The following CHIC1 variants were observed in gnomAD, a reference collection of about 807,000 sequenced individuals.
The protein encoded by CHIC1 is cysteine-rich hydrophobic domain-containing protein 1.
CHIC1 carries 7 observed loss-of-function variants against 18.5 expected under a neutral mutation model. The ratio of observed to expected loss-of-function variants is 0.38; its 90% CI spans 0.22 to 0.71. The LOEUF (loss-of-function observed/expected upper bound fraction) is 0.71. Among genes scored for constraint, CHIC1 ranks in the 30% least tolerant of loss-of-function variants. CHIC1 has a pLI of 0.49. For synonymous variants in CHIC1, 77 were observed against 73.5 expected (o/e 1.05, Z -0.25); for missense variants, 159 against 176.9 (o/e 0.90, Z 0.57).
intron 3 of CHIC1, among the ~76,000 whole-genome samples, chrX:73,632,342 T>A (rs1374089030): frequency 8.9e-6 from 1 of 112,237 alleles, no homozygotes; most frequent in East Asian, 2.8e-4. Flanking sequence ...TTCTTCACTT[T>A]CAGCCTAGTG....
intron 2 of CHIC1, among the ~76,000 whole-genome samples, chrX:73,580,938 AGAT>A (rs1288779305): frequency 9.0e-6 from 1 of 111,462 alleles, no homozygotes; most frequent in African/African-American, 3.2e-5. Context: ...GCAAACAAAA[AGAT>A]GACCTTTTAT....
intron 2 of CHIC1, among the ~76,000 whole-genome samples, 154 bp from the exon 3 acceptor site, chrX:73,584,263 C>T (rs2057541893): frequency 1.8e-5 from 2 of 111,391 alleles, no homozygotes; most frequent in Admixed American, 9.6e-5. Flanking sequence ...TGCTTTTCAA[C>T]GTCATCCTAG....
intron 3 of CHIC1, among the ~76,000 whole-genome samples, chrX:73,622,445 T>C (rs1157509891): frequency 1.8e-5 from 2 of 112,100 alleles, no homozygotes; most frequent in African/African-American, 6.5e-5. Context: ...GTTGAGGAGT[T>C]TATCCATTTC....
intron 3 of CHIC1, among the ~76,000 whole-genome samples, chrX:73,589,152 A>G (rs757745278): frequency 9.1e-6 from 1 of 110,191 alleles, no homozygotes; most frequent in Non-Finnish European, 1.9e-5. Flanking sequence ...CTTCTTTCTT[A>G]ATGTAGGCAT....
At chrX:73,630,712 G>GTCCT (rs201621152) in intron 3 of CHIC1, among the ~76,000 whole-genome samples, 5,260 of 111,482 alleles carry the variant, frequency 0.047, 326 homozygotes, top group African/African-American at 0.16. Flanking sequence ...TTCCTCTTGT[G>GTCCT]TCCTTGCCTA....
intron 3 of CHIC1, among the ~76,000 whole-genome samples, chrX:73,675,266 G>A (rs1014147348): frequency 5.8e-4 from 65 of 111,521 alleles, no homozygotes; most frequent in Non-Finnish European, 1.1e-3. Context: ...GCAGAGCTGA[G>A]TTCAATTCCT....
At chrX:73,644,757 G>T (rs2057879443) in intron 3 of CHIC1, among the ~76,000 whole-genome samples, 1 of 111,968 alleles carries the variant, frequency 8.9e-6, no homozygotes, top group Admixed American at 9.4e-5. Context: ...TAGGGTGGGA[G>T]TGACCCAATT....
intron 3 of CHIC1, among the ~76,000 whole-genome samples, chrX:73,613,272 T>C (rs1407334557): frequency 8.9e-6 from 1 of 111,775 alleles, no homozygotes; most frequent in African/African-American, 3.3e-5. Flanking sequence ...AAATCTCATG[T>C]TGAAATTTGA....
At chrX:73,676,552 G>T (rs776920845) in intron 3 of CHIC1, among the ~76,000 whole-genome samples, 1 of 111,561 alleles carries the variant, frequency 9.0e-6, no homozygotes, top group Non-Finnish European at 1.9e-5. Context: ...CATTCGTCAC[G>T]TAGCTCTCGT....
intron 1 of CHIC1, among the ~76,000 whole-genome samples, chrX:73,573,705 C>T (rs1435304489): frequency 9.0e-6 from 1 of 110,726 alleles, no homozygotes; most frequent in Non-Finnish European, 1.9e-5. Context: ...AATGTGATGC[C>T]ATTCTTGATT....
rs753715717 is a variant in CHIC1 at position 73,596,947 on chromosome X, C to G, written c.507+12375C>G. 7.2e-5 allele frequency among the ~76,000 whole-genome samples: 8 copies of G among 111,864 alleles called. No individual in the cohort carries two copies. The East Asian group carries it at 2.2e-3, about 31-fold the overall frequency. ...ACCCTAGAAGAAAACCTAGGCAATACCATTCAGGACATAGGCATGGACAAA... is the reference window on the plus strand; with the variant it reads ...ACCCTAGAAGAAAACCTAGGCAATAGCATTCAGGACATAGGCATGGACAAA... On this transcript the variant is annotated intron_variant, in intron 3 of 5. Transcript: ENST00000373502.
At chrX:73,571,621 G>A (rs1408329587) in intron 1 of CHIC1, among the ~76,000 whole-genome samples, 1 of 110,895 alleles carries the variant, frequency 9.0e-6, no homozygotes, top group Non-Finnish European at 1.9e-5. Context: ...TTGTGTCTAT[G>A]TATTGATTTA....
At chrX:73,586,916 G>T (rs2057555678) in intron 3 of CHIC1, among the ~76,000 whole-genome samples, 1 of 111,816 alleles carries the variant, frequency 8.9e-6, no homozygotes, top group South Asian at 3.7e-4. Context: ...TTGTGAGCCA[G>T]AGGTCTCTGT....
intron 3 of CHIC1, among the ~76,000 whole-genome samples, chrX:73,673,507 G>A (rs960607550): frequency 5.4e-5 from 6 of 111,644 alleles, no homozygotes; most frequent in African/African-American, 9.8e-5. Context: ...TCTCTTTGAA[G>A]CAATTGTGAA....
At chrX:73,626,678 G>A (rs982446841) in intron 3 of CHIC1, among the ~76,000 whole-genome samples, 4 of 110,481 alleles carry the variant, frequency 3.6e-5, no homozygotes, top group Admixed American at 1.9e-4. Flanking sequence ...AAATTTATCC[G>A]ATAGAATTCT....
chrX:73,664,097 G>A (rs2147620383), intron 3 of CHIC1, among the ~76,000 whole-genome samples: 1 of 111,135 alleles, frequency 9.0e-6, no homozygotes, highest in African/African-American at 3.3e-5. Context: ...AGGACTGTGG[G>A]CTTTTCATCT....
intron 3 of CHIC1, among the ~76,000 whole-genome samples, chrX:73,656,130 C>T (rs752396718): frequency 3.2e-4 from 36 of 111,357 alleles, no homozygotes; most frequent in African/African-American, 9.1e-4. Context: ...CTGTTTATGT[C>T]TTTTGCCCAC....
chrX:73,685,083 G>C lies in CHIC1; in HGVS notation c.*4078G>C, dbSNP rs1441206633. 9.0e-6 allele frequency: 1 copy of C among 111,597 alleles called. No individual in the cohort carries two copies. Among genetic ancestry groups the C allele is most frequent in the African/African-American group, 3.2e-5 (1 of 30,813 alleles). The allele number at this position is 111,597 out of a possible 1,213,427, so 9.2% of individuals were successfully genotyped here. On this transcript the variant is annotated 3_prime_UTR_variant, in exon 6 of 6. Transcript: ENST00000373502. The stretch of plus-strand genomic sequence containing the variant: ...AATTAGAGATCACTTAACATTCTGT[G>C]ATTCAAGGAATTCTTAGGACATTTT...
chrX:73,675,337 A>T (rs2058056084), intron 3 of CHIC1, among the ~76,000 whole-genome samples: 1 of 111,486 alleles, frequency 9.0e-6, no homozygotes, highest in African/African-American at 3.3e-5. Flanking sequence ...GGGGTGTTAA[A>T]GTCTCCCATT....
Sources: gnomAD v4.1 joint callset for allele counts (sites outside exome capture counted in the v4.1 genomes callset) on GRCh38, gnomAD v4.1.1 for gene constraint, MANE v1.5 for transcripts, NCBI Gene and HGNC (gene_info 2026-07-23, HGNC 2026-07-21) for gene names.